FHIT: variants seen among roughly 807,000 people sequenced by gnomAD.
FHIT encodes bis(5'-adenosyl)-triphosphatase.
A neutral mutation model predicts 17.9 loss-of-function variants in FHIT; 19 were observed. The observed-to-expected ratio is 1.06, with a 90% CI of 0.74 to 1.56. The LOEUF is 1.56. FHIT is among the 40% of genes most tolerant of loss of function. The pLI is 0.00. For missense variants in FHIT, 248 were observed against 189.2 expected, an observed-to-expected ratio of 1.31 and a Z score of -1.82; for synonymous variants, 81 against 69.7, an observed-to-expected ratio of 1.16 and a Z score of -0.81.
At chr3:59,911,246 A>C (rs1415306465) in intron 8 of FHIT, among the ~76,000 whole-genome samples, 1 of 152,136 alleles carries the variant, frequency 6.6e-6, no homozygotes, top group Non-Finnish European at 1.5e-5. Flanking sequence ...GATTTTTCAA[A>C]TTAATTAGAT....
chr3:60,273,297 G>A (rs1002617597), intron 5 of FHIT, among the ~76,000 whole-genome samples: 1 of 152,152 alleles, frequency 6.6e-6, no homozygotes, highest in African/African-American at 2.4e-5. Flanking sequence ...TGAATTGGAA[G>A]TGTAATTCTT....
chr3:60,130,004 C>T (rs1305332394), intron 5 of FHIT, among the ~76,000 whole-genome samples: 1 of 152,130 alleles, frequency 6.6e-6, no homozygotes, highest in Non-Finnish European at 1.5e-5. Flanking sequence ...CACCTACATA[C>T]ACACACCACA....
intron 5 of FHIT, among the ~76,000 whole-genome samples, chr3:60,172,711 C>G (rs1454548113): frequency 6.6e-6 from 1 of 152,128 alleles, no homozygotes; most frequent in Non-Finnish European, 1.5e-5. Flanking sequence ...AACTAAAAGG[C>G]AGCCAGGGTG....
intron 3 of FHIT, among the ~76,000 whole-genome samples, chr3:60,960,589 C>G (rs1553780450): frequency 6.6e-6 from 1 of 151,682 alleles, no homozygotes; most frequent in African/African-American, 2.4e-5. Context: ...CACCCCACAA[C>G]AGGCCCCGGT....
intron 7 of FHIT, among the ~76,000 whole-genome samples, chr3:59,974,008 G>C (rs60590275): frequency 0.061 from 9,246 of 151,718 alleles, 337 homozygotes; most frequent in African/African-American, 0.097. Context: ...CACAAAACTA[G>C]TTTGTGCCAC....
rs536856211 is a variant in FHIT at position 60,378,182 on chromosome 3, A to G, written c.103+158678T>C. Among the ~76,000 whole-genome samples the G allele has an allele frequency of 5.3e-5, 8 of 151,436 alleles. No homozygotes were observed. The East Asian group carries it at 1.2e-3, about 22-fold the overall frequency. On this transcript the variant is annotated intron_variant, in intron 5 of 9. Transcript: ENST00000492590. ...GCTGGGACTACAGACGCCTGCCACTATGCCCGGCTAATTTTTTGTATTTTT... is the reference window on the plus strand; with the variant it reads ...GCTGGGACTACAGACGCCTGCCACTGTGCCCGGCTAATTTTTTGTATTTTT...
At chr3:61,026,949 T>C (rs2032764981) in intron 3 of FHIT, among the ~76,000 whole-genome samples, 1 of 152,194 alleles carries the variant, frequency 6.6e-6, no homozygotes, top group South Asian at 2.1e-4. Flanking sequence ...TTGGTAAATT[T>C]CAGTAACTTT....
At chr3:60,864,892 T>C (rs781930273) in intron 3 of FHIT, among the ~76,000 whole-genome samples, 1 of 152,122 alleles carries the variant, frequency 6.6e-6, no homozygotes, top group African/African-American at 2.4e-5. Context: ...ATTAACTCTA[T>C]GGAAATGAGG....
At chr3:60,170,363 A>G (rs1371846230) in intron 5 of FHIT, among the ~76,000 whole-genome samples, 1 of 152,150 alleles carries the variant, frequency 6.6e-6, no homozygotes, top group Non-Finnish European at 1.5e-5. Flanking sequence ...CCATGAATGA[A>G]GCTTGGTATC....
chr3:61,003,356 A>C (rs1176047102), intron 3 of FHIT, among the ~76,000 whole-genome samples: 1 of 152,222 alleles, frequency 6.6e-6, no homozygotes, highest in Non-Finnish European at 1.5e-5. Flanking sequence ...CTGAATTCTT[A>C]TTCTTTTACA....
chr3:61,185,968 C>A (rs975429144), intron 2 of FHIT, among the ~76,000 whole-genome samples: 4 of 152,152 alleles, frequency 2.6e-5, no homozygotes, highest in East Asian at 1.9e-4. Context: ...ATAGACTGAA[C>A]CTTACAAAAA....
intron 1 of FHIT, among the ~76,000 whole-genome samples, chr3:61,203,297 T>A (rs2039091798): frequency 1.4e-5 from 2 of 147,090 alleles, no homozygotes; most frequent in Admixed American, 6.8e-5. Context: ...TGCAGTGAGC[T>A]GAAATTGCAC....
At chr3:60,346,170 G>A (rs562996343) in intron 5 of FHIT, among the ~76,000 whole-genome samples, 16 of 152,134 alleles carry the variant, frequency 1.1e-4, no homozygotes, top group Non-Finnish European at 1.5e-4. Flanking sequence ...GAGTCCTCAC[G>A]CAATGTCCAT....
intron 4 of FHIT, among the ~76,000 whole-genome samples, chr3:60,777,713 T>C (rs28755000): frequency 0.013 from 1,966 of 152,358 alleles, 43 homozygotes; most frequent in African/African-American, 0.044. Context: ...GTAAAACATT[T>C]TGATTTTTTT....
intron 3 of FHIT, among the ~76,000 whole-genome samples, chr3:61,006,519 A>C (rs369206883): frequency 2.2e-4 from 33 of 152,192 alleles, no homozygotes; most frequent in African/African-American, 7.9e-4. Context: ...ACCAACTTTT[A>C]TGTATAAAAT....
At chr3:60,138,532 A>G (rs1027748484) in intron 5 of FHIT, among the ~76,000 whole-genome samples, 2 of 152,152 alleles carry the variant, frequency 1.3e-5, no homozygotes, top group African/African-American at 4.8e-5. Flanking sequence ...TTCCATAGCA[A>G]GTTCCACATG....
chr3:60,225,976 G>T (rs1704178647), intron 5 of FHIT, among the ~76,000 whole-genome samples: 1 of 152,130 alleles, frequency 6.6e-6, no homozygotes, highest in Non-Finnish European at 1.5e-5. Context: ...GACCCAGTGA[G>T]GCTGGGCGCT....
At chr3:60,910,864 A>C (rs1219787059) in intron 3 of FHIT, among the ~76,000 whole-genome samples, 2 of 152,230 alleles carry the variant, frequency 1.3e-5, no homozygotes, top group Non-Finnish European at 2.9e-5. Context: ...ATAGCCACCC[A>C]TAACAGAAGC....
intron 3 of FHIT, among the ~76,000 whole-genome samples, chr3:60,836,367 G>A (rs1379036685): frequency 2.0e-5 from 3 of 152,116 alleles, no homozygotes; most frequent in Non-Finnish European, 4.4e-5. Flanking sequence ...TTCTTTAAAT[G>A]TTTGGTAAAA....
Sources: gnomAD v4.1 joint callset for allele counts (sites outside exome capture counted in the v4.1 genomes callset) on GRCh38, gnomAD v4.1.1 for gene constraint, MANE v1.5 for transcripts, NCBI Gene and HGNC (gene_info 2026-07-23, HGNC 2026-07-21) for gene names.